C12orf60: variants seen among roughly 807,000 people sequenced by gnomAD.
C12orf60 encodes the protein uncharacterized protein C12orf60.
For missense variants in C12orf60, 284 were observed against 283.2 expected (o/e 1.00, Z -0.02); for synonymous variants, 102 against 94.6 (o/e 1.08, Z -0.45).
intron 1 of C12orf60, among the ~76,000 whole-genome samples, chr12:14,808,468 A>G (rs1207594606): frequency 6.6e-6 from 1 of 152,132 alleles, no homozygotes; most frequent in Non-Finnish European, 1.5e-5. Context: ...TTTTGAGTAA[A>G]TAATATCGTA....
intron 1 of C12orf60, among the ~76,000 whole-genome samples, chr12:14,810,508 C>CT (rs1426202443): frequency 6.6e-6 from 1 of 152,124 alleles, no homozygotes; most frequent in Non-Finnish European, 1.5e-5. Flanking sequence ...ATGGTCCTTG[C>CT]TTTTTTGGAA....
intron 1 of C12orf60, among the ~76,000 whole-genome samples, chr12:14,813,863 T>C (rs1950178376): frequency 6.6e-6 from 1 of 152,202 alleles, no homozygotes; most frequent in Admixed American, 6.5e-5. Context: ...TTGATGTCTT[T>C]ACTGCTTCTC....
At chr12:14,815,407 G>A (rs1950200254) in intron 1 of C12orf60, among the ~76,000 whole-genome samples, 1 of 152,158 alleles carries the variant, frequency 6.6e-6, no homozygotes, top group Non-Finnish European at 1.5e-5. Context: ...AACACTGAGA[G>A]CAAAGGAGCT....
intron 1 of C12orf60, among the ~76,000 whole-genome samples, chr12:14,811,101 A>G (rs368595737): frequency 6.6e-6 from 1 of 152,248 alleles, no homozygotes; most frequent in Non-Finnish European, 1.5e-5. Context: ...CACCTATTGT[A>G]TGGTAAGTTT....
intron 1 of C12orf60, chr12:14,806,636 C>G (rs751342043): frequency 3.1e-6 from 5 of 1,611,214 alleles, no homozygotes; most frequent in Non-Finnish European, 1.7e-6. Context: ...TTACTTCTTC[C>G]CGCCTTTTTG....
chr12:14,819,732 G>A (rs1313081599), intron 1 of C12orf60, among the ~76,000 whole-genome samples: 1 of 151,968 alleles, frequency 6.6e-6, no homozygotes, highest in Non-Finnish European at 1.5e-5. Flanking sequence ...ATTTAAAAAT[G>A]CCTTTTCTGC....
At chr12:14,806,790 G>A in intron 1 of C12orf60, 1 of 1,110,934 alleles carries the variant, frequency 9.0e-7, no homozygotes, top group East Asian at 2.4e-5. Flanking sequence ...TTCATGCATA[G>A]CAAAGAAGCA....
intron 1 of C12orf60, among the ~76,000 whole-genome samples, chr12:14,808,629 G>A (rs1341447292): frequency 1.3e-5 from 2 of 152,088 alleles, no homozygotes; most frequent in Admixed American, 6.5e-5. Context: ...GATATAAGTT[G>A]GCAACGGAAA....
intron 1 of C12orf60, among the ~76,000 whole-genome samples, chr12:14,818,201 G>A (rs752320886): frequency 2.0e-5 from 3 of 152,138 alleles, no homozygotes; most frequent in Non-Finnish European, 2.9e-5. Context: ...TAAGTTCCTT[G>A]TAAATTCTAG....
At chr12:14,817,187 G>A (rs777733646) in intron 1 of C12orf60, among the ~76,000 whole-genome samples, 2 of 151,928 alleles carry the variant, frequency 1.3e-5, no homozygotes, top group African/African-American at 2.4e-5. Context: ...CTGTTTTATG[G>A]TTTTATATTT....
chr12:14,821,429 A>G (rs1489192336), intron 1 of C12orf60, among the ~76,000 whole-genome samples: 2 of 152,092 alleles, frequency 1.3e-5, no homozygotes, highest in Admixed American at 6.6e-5. Context: ...GGCCATGACC[A>G]TCCCTTAAGT....
chr12:14,818,069 C>T (rs1950250780), intron 1 of C12orf60, among the ~76,000 whole-genome samples: 1 of 152,116 alleles, frequency 6.6e-6, no homozygotes, highest in East Asian at 1.9e-4. Context: ...ATTTGCATTT[C>T]TCTGATGATC....
chr12:14,804,687 T>C (rs1051865382), intron 1 of C12orf60: 2 of 152,222 alleles, frequency 1.3e-5, no homozygotes, highest in African/African-American at 4.8e-5. Flanking sequence ...TGCAACTAGT[T>C]TTTTTTCTTT....
chr12:14,821,573 A>T (rs1950305670), intron 1 of C12orf60, among the ~76,000 whole-genome samples: 1 of 152,198 alleles, frequency 6.6e-6, no homozygotes, highest in Admixed American at 6.5e-5. Context: ...TTATCACTTC[A>T]AGTAAAATCA....
At position 14,823,943 on chromosome 12, in the gene C12orf60, T is replaced by C; in HGVS notation, c.*270T>C. The C allele has an allele frequency of 4.2e-6, 1 of 235,892 alleles. No individual in the cohort carries two copies. The highest frequency in any genetic ancestry group is 8.2e-6 in the Non-Finnish European group (1 of 121,276). 14.6% of individuals were successfully genotyped at this position (235,892 alleles called of 1,614,324 possible). Reference sequence around the variant, plus strand: ...TACATTTGAGGATGTTTCTAAATATTGTGTTTCATCTTAAAGCATAATTAA... The same window carrying C: ...TACATTTGAGGATGTTTCTAAATATCGTGTTTCATCTTAAAGCATAATTAA... On this transcript the variant is annotated 3_prime_UTR_variant, in exon 2 of 2. Transcript: ENST00000330828.
At chr12:14,807,285 A>G (rs1292870911) in intron 1 of C12orf60, among the ~76,000 whole-genome samples, 1 of 152,268 alleles carries the variant, frequency 6.6e-6, no homozygotes, top group Non-Finnish European at 1.5e-5. Context: ...TCTGTTTATT[A>G]ATAAGCGTGA....
rs1421800258 is a variant in C12orf60 at position 14,823,249 on chromosome 12, A to T, written c.314A>T (p.Glu105Val). The stretch of plus-strand genomic sequence containing the variant: ...GTGGTTCAGAAGAGTACCAATGTAG[A>T]GGAGTTGCATCAGTCAGCTAAAGAA... ...CSVVQKSTNV[E>V]ELHQSAKEVF... The change falls in exon 2 of 2, where the codon GAG becomes GTG. Residue 105 changes from glutamate (E) to valine (V), a missense_variant. Coordinates refer to ENST00000330828, the MANE Select transcript of C12orf60 (RefSeq NM_175874.4). 1 of 1,614,008 alleles carries T rather than the reference A, an allele frequency of 6.2e-7. No homozygotes were observed. Among genetic ancestry groups the T allele is most frequent in the Non-Finnish European group, 8.5e-7 (1 of 1,180,012 alleles).
In C12orf60 at chr12:14,823,508, G is replaced by T. The variant is rs749071354; in HGVS notation, c.573G>T (p.Leu191=). 6.2e-6 allele frequency: 10 copies of T among 1,613,084 alleles called. No individual in the cohort carries two copies. The highest frequency in any genetic ancestry group is 8.5e-6 in the Non-Finnish European group (10 of 1,179,800). The change falls in exon 2 of 2, where the codon CTG becomes CTT. Residue 191 remains leucine (L), a synonymous_variant. Coordinates refer to ENST00000330828, the MANE Select transcript of C12orf60 (RefSeq NM_175874.4). Reference sequence around the variant, plus strand: ...CTATGATAGACACCTTGAAAAAACTGCAGGATGTACTAAAAACTGAGGATT... The same window carrying T: ...CTATGATAGACACCTTGAAAAAACTTCAGGATGTACTAAAAACTGAGGATT... ...KTTMIDTLKK[L]QDVLKTEDSK...
chr12:14,821,994 A>AGG (rs1336089931), intron 1 of C12orf60, among the ~76,000 whole-genome samples: 1 of 59,094 alleles, frequency 1.7e-5, no homozygotes, highest in African/African-American at 6.8e-5. Flanking sequence ...TGTACTTGTG[A>AGG]GGTGTGTGTG....
Sources: gnomAD v4.1 joint callset for allele counts (sites outside exome capture counted in the v4.1 genomes callset) on GRCh38, gnomAD v4.1.1 for gene constraint, MANE v1.5 for transcripts, NCBI Gene and HGNC (gene_info 2026-07-23, HGNC 2026-07-21) for gene names.